The following TBL1X variants were observed in gnomAD, a reference collection of about 807,000 sequenced individuals.
TBL1X encodes the protein F-box-like/WD repeat-containing protein TBL1X.
A neutral mutation model predicts 50.7 loss-of-function variants in TBL1X; 10 were observed. That is an observed-to-expected ratio of 0.20 (90% confidence interval 0.12 to 0.33). The LOEUF (loss-of-function observed/expected upper bound fraction) is 0.33. Among genes scored for constraint, TBL1X ranks in the 10% least tolerant of loss-of-function variants. The pLI is 1.00. For missense variants in TBL1X, 340 were observed against 504.4 expected (o/e 0.67, Z 3.12); for synonymous variants, 190 against 214.7 (o/e 0.88, Z 1.01).
Position 9,719,145 on chromosome X carries a change from A to G in TBL1X, c.*2899A>G, listed in dbSNP as rs191065151. Reference sequence around the variant, plus strand: ...ACCTTGAAAGCAGACATAGCATGACAGACCTTCCTAGAGTGTTTGGTCGGG... The same window carrying G: ...ACCTTGAAAGCAGACATAGCATGACGGACCTTCCTAGAGTGTTTGGTCGGG... On this transcript the variant is annotated 3_prime_UTR_variant, in exon 18 of 18. Coordinates refer to ENST00000645353, the MANE Select transcript of TBL1X (RefSeq NM_005647.4). 181 of 112,456 alleles carry G rather than the reference A, an allele frequency of 1.6e-3. 2 individuals are homozygous for G. Among genetic ancestry groups the G allele is most frequent in the Non-Finnish European group, 4.5e-4 (24 of 53,226 alleles). The allele number at this position is 112,456 out of a possible 1,213,427, so 9.3% of individuals were successfully genotyped here.
intron 2 of TBL1X, among the ~76,000 whole-genome samples, chrX:9,533,243 G>T (rs767488318): frequency 9.0e-6 from 1 of 111,612 alleles, no homozygotes; most frequent in South Asian, 3.8e-4. Context: ...GCCCATAGAC[G>T]AGCGCGAACT....
intron 2 of TBL1X, among the ~76,000 whole-genome samples, chrX:9,581,953 A>C (rs989608510): frequency 8.9e-6 from 1 of 111,935 alleles, no homozygotes; most frequent in Non-Finnish European, 1.9e-5. Flanking sequence ...TGCCCCTTTT[A>C]TTCCATTTCT....
At chrX:9,481,071 G>T (rs1654260656) in intron 1 of TBL1X, among the ~76,000 whole-genome samples, 1 of 111,318 alleles carries the variant, frequency 9.0e-6, no homozygotes, top group Non-Finnish European at 1.9e-5. Context: ...TGAAACTTTT[G>T]TCATCCACAA....
chrX:9,545,769 A>G (rs892482786), intron 2 of TBL1X, among the ~76,000 whole-genome samples: 1 of 111,001 alleles, frequency 9.0e-6, no homozygotes, highest in Non-Finnish European at 1.9e-5. Context: ...ATAATTAAAC[A>G]TATGATGGTT....
chrX:9,715,686 G>C (rs751156283), intron 17 of TBL1X, among the ~76,000 whole-genome samples: 168 of 112,133 alleles, frequency 1.5e-3, no homozygotes, highest in Non-Finnish European at 3.0e-3. Context: ...CTGTGCACAG[G>C]GTGGCCACAA....
chrX:9,712,413 C>G (rs1215082601), intron 16 of TBL1X, among the ~76,000 whole-genome samples: 1 of 112,975 alleles, frequency 8.9e-6, no homozygotes, highest in Non-Finnish European at 1.9e-5. Flanking sequence ...TCTTGGCTCA[C>G]TGCAACCTCT....
At chrX:9,499,212 A>G (rs112165779) in intron 1 of TBL1X, among the ~76,000 whole-genome samples, 3 of 111,785 alleles carry the variant, frequency 2.7e-5, no homozygotes, top group African/African-American at 9.8e-5. Context: ...GACTATGCCA[A>G]CGTGATCAGT....
chrX:9,560,223 C>T (rs1410727215), intron 2 of TBL1X, among the ~76,000 whole-genome samples: 1 of 112,068 alleles, frequency 8.9e-6, no homozygotes, highest in Non-Finnish European at 1.9e-5. Flanking sequence ...GTGCTCTTTC[C>T]ATGTGTGAAT....
chrX:9,582,779 A>G (rs752409454), intron 2 of TBL1X, among the ~76,000 whole-genome samples: 2 of 112,379 alleles, frequency 1.8e-5, no homozygotes, highest in South Asian at 7.4e-4. Context: ...CCAGTCCCTG[A>G]GATATACTCT....
Position 9,714,106 on chromosome X carries a change from G to A in TBL1X, c.1606-796G>A, listed in dbSNP as rs748501355. Among the ~76,000 whole-genome samples, 7 of 111,612 alleles carry A rather than the reference G, an allele frequency of 6.3e-5. No homozygotes were observed. In the East Asian group the frequency reaches 8.5e-4, roughly 14 times the overall value. On this transcript the variant is annotated intron_variant, in intron 16 of 17. Transcript: ENST00000645353. ...CTGGGATTACAGGGTGAGCCACCTC[G>A]CCTGGCCTTATTCAACTCTTTCAAA... is the stretch of plus-strand genomic sequence containing the variant.
intron 2 of TBL1X, among the ~76,000 whole-genome samples, chrX:9,538,972 G>T (rs956498164): frequency 1.3e-4 from 15 of 112,612 alleles, no homozygotes; most frequent in African/African-American, 4.5e-4. Flanking sequence ...AGCAAAAGCT[G>T]CTGGGAACGT....
upstream of TBL1X, chrX:9,463,302 G>GT (rs762295832): frequency 9.0e-6 from 1 of 111,102 alleles, no homozygotes; most frequent in South Asian, 3.8e-4. Context: ...TCTATTGCAT[G>GT]TAATACCTCA....
chrX:9,676,602 A>G (rs1166645476), intron 5 of TBL1X, among the ~76,000 whole-genome samples: 2 of 112,189 alleles, frequency 1.8e-5, no homozygotes, highest in African/African-American at 6.5e-5. Flanking sequence ...CGTCCGAGGC[A>G]GCTTCATTTT....
chrX:9,584,116 C>T (rs958540410), intron 2 of TBL1X, among the ~76,000 whole-genome samples: 1 of 111,878 alleles, frequency 8.9e-6, no homozygotes, highest in African/African-American at 3.3e-5. Context: ...CAAATAAAAG[C>T]GGGTGTTGTT....
At chrX:9,661,837 A>G (rs1307110636) in intron 5 of TBL1X, among the ~76,000 whole-genome samples, 2 of 111,441 alleles carry the variant, frequency 1.8e-5, no homozygotes, top group Non-Finnish European at 3.8e-5. Flanking sequence ...CTGTTCTTCA[A>G]CACTTTCTAC....
chrX:9,606,214 G>A (rs1014834344), intron 2 of TBL1X, among the ~76,000 whole-genome samples: 8 of 111,825 alleles, frequency 7.2e-5, no homozygotes, highest in Admixed American at 6.6e-4. Flanking sequence ...TGTGGGACAG[G>A]CCGGTACTGG....
rs751186725 is a variant in TBL1X at position 9,577,648 on chromosome X, G to A, written c.-130-62625G>A. 2.7e-5 allele frequency among the ~76,000 whole-genome samples: 3 copies of A among 111,899 alleles called. No individual in the cohort carries two copies. In the East Asian group the frequency reaches 8.4e-4, roughly 31 times the overall value. On this transcript the variant is annotated intron_variant, in intron 2 of 17. Transcript: ENST00000645353. ...CGGCCTCATAACAAGGAATCATCTA[G>A]CCCCATATGCGCCACGATGGAGGAG...
intron 11 of TBL1X, among the ~76,000 whole-genome samples, chrX:9,696,735 G>T (rs902861537): frequency 8.9e-6 from 1 of 112,546 alleles, no homozygotes; most frequent in African/African-American, 3.2e-5. Flanking sequence ...GATCTCTGGA[G>T]ATGCTTTGTT....
chrX:9,551,347 A>G lies in TBL1X; in HGVS notation c.-131+49498A>G, dbSNP rs142000610. Among the ~76,000 whole-genome samples, 124 of 109,085 alleles carry G rather than the reference A, an allele frequency of 1.1e-3. 9 individuals carry two copies. In the East Asian group the frequency reaches 0.013, roughly 11 times the overall value. The allele number at this position is 109,085 out of a possible 115,157, so 94.7% of individuals were successfully genotyped here. A position where few individuals can be genotyped will look rare whatever the true frequency, so the allele number is the denominator to read the frequency against. ...TCGCATGGGGTAGTGTTCTTTGTAC[A>G]GTTCTAGGTGAGGCGGCGAACACGT... On this transcript the variant is annotated intron_variant, in intron 2 of 17. Transcript: ENST00000645353.
Sources: gnomAD v4.1 joint callset for allele counts (sites outside exome capture counted in the v4.1 genomes callset) on GRCh38, gnomAD v4.1.1 for gene constraint, MANE v1.5 for transcripts, NCBI Gene and HGNC (gene_info 2026-07-23, HGNC 2026-07-21) for gene names.